The following MARCHF1 variants were observed in gnomAD, a reference collection of about 807,000 sequenced individuals.
The protein encoded by MARCHF1 is membrane associated ring-CH-type finger 1.
A neutral mutation model predicts 54.2 loss-of-function variants in MARCHF1; 40 were observed. The observed-to-expected ratio is 0.74, with a 90% CI of 0.57 to 0.96. MARCHF1 has a LOEUF of 0.96. Ranked by LOEUF, MARCHF1 falls within the 40% of genes least tolerant of loss-of-function variation. The pLI is 0.00. For missense variants in MARCHF1, 586 were observed against 656.5 expected (o/e 0.89, Z 1.17); for synonymous variants, 236 against 236.3 (o/e 1.00, Z 0.01).
intron 4 of MARCHF1, among the ~76,000 whole-genome samples, chr4:163,837,934 A>G (rs1218067783): frequency 6.6e-6 from 1 of 152,176 alleles, no homozygotes; most frequent in Non-Finnish European, 1.5e-5. Flanking sequence ...CTAAGGATTA[A>G]AATCAGTAAT....
chr4:163,533,361 G>A (rs1208268968), intron 9 of MARCHF1, among the ~76,000 whole-genome samples: 1 of 151,886 alleles, frequency 6.6e-6, no homozygotes, highest in Non-Finnish European at 1.5e-5. Flanking sequence ...AGGAAGGGAT[G>A]AATAGGTGGA....
chr4:164,194,793 AATT>A (rs1051372387), intron 1 of MARCHF1, among the ~76,000 whole-genome samples: 7 of 152,062 alleles, frequency 4.6e-5, no homozygotes, highest in African/African-American at 9.7e-5. Flanking sequence ...TAATAAGTAA[AATT>A]ATTATTTTTC....
intron 8 of MARCHF1, among the ~76,000 whole-genome samples, chr4:163,579,453 C>T (rs1463332233): frequency 1.3e-5 from 2 of 152,050 alleles, no homozygotes; most frequent in African/African-American, 2.4e-5. Flanking sequence ...CCATAGCAAA[C>T]ACCTAAGTAG....
At chr4:163,603,607 C>G (rs1376365154) in intron 7 of MARCHF1, among the ~76,000 whole-genome samples, 1 of 152,064 alleles carries the variant, frequency 6.6e-6, no homozygotes, top group South Asian at 2.1e-4. Context: ...GTGAAAAATT[C>G]TTTGTTGTTT....
In MARCHF1 at chr4:163,894,469, C is replaced by T. The variant is rs138584657; in HGVS notation, c.-38-40300G>A. Among the ~76,000 whole-genome samples the T allele has an allele frequency of 3.7e-4, 56 of 151,226 alleles. 1 individual carries two copies. The East Asian group carries it at 0.011, about 29-fold the overall frequency. On this transcript the variant is annotated intron_variant, in intron 3 of 9. Coordinates refer to ENST00000514618, the MANE Select transcript of MARCHF1 (RefSeq NM_001394959.1). Reference sequence around the variant, plus strand: ...ATTAATAAAGAGATAAACTTCAATGCCAGCCTCTGTAAGAATAAAGATGAC... The same window carrying T: ...ATTAATAAAGAGATAAACTTCAATGTCAGCCTCTGTAAGAATAAAGATGAC...
At chr4:164,281,063 G>T (rs1734013533) in intron 1 of MARCHF1, among the ~76,000 whole-genome samples, 1 of 152,022 alleles carries the variant, frequency 6.6e-6, no homozygotes, top group Admixed American at 6.6e-5. Flanking sequence ...CAAAAAATTT[G>T]ATTCAAATAT....
intron 1 of MARCHF1, among the ~76,000 whole-genome samples, chr4:164,227,891 A>C (rs1732303603): frequency 6.6e-6 from 1 of 152,166 alleles, no homozygotes. Flanking sequence ...AGGATGATAC[A>C]GGCTGGTGAT....
intron 2 of MARCHF1, among the ~76,000 whole-genome samples, chr4:164,049,601 GAA>G (rs1754316040): frequency 6.6e-6 from 1 of 151,984 alleles, no homozygotes; most frequent in South Asian, 2.1e-4. Flanking sequence ...ATGACACCCT[GAA>G]AACATACCCT....
At chr4:164,108,493 A>G (rs566435256) in intron 2 of MARCHF1, among the ~76,000 whole-genome samples, 1 of 152,206 alleles carries the variant, frequency 6.6e-6, no homozygotes, top group African/African-American at 2.4e-5. Flanking sequence ...GAAAGAGCAA[A>G]GACTTATAAC....
chr4:163,864,140 T>C (rs1447220495), intron 3 of MARCHF1, among the ~76,000 whole-genome samples: 1 of 151,916 alleles, frequency 6.6e-6, no homozygotes, highest in Non-Finnish European at 1.5e-5. Flanking sequence ...GAACTGTACA[T>C]AGAAACTGCC....
At chr4:163,678,247 G>A (rs1044654715) in intron 5 of MARCHF1, among the ~76,000 whole-genome samples, 1 of 152,138 alleles carries the variant, frequency 6.6e-6, no homozygotes, top group African/African-American at 2.4e-5. Flanking sequence ...TATCAGGCCT[G>A]CCAGGTTAAA....
intron 4 of MARCHF1, among the ~76,000 whole-genome samples, chr4:163,768,936 ACTTCC>A: frequency 6.6e-6 from 1 of 152,130 alleles, no homozygotes; most frequent in African/African-American, 2.4e-5. Flanking sequence ...AAATATCTGG[ACTTCC>A]TGGTGGCTAC....
chr4:164,204,684 A>C (rs915814910), intron 1 of MARCHF1, among the ~76,000 whole-genome samples: 7 of 152,224 alleles, frequency 4.6e-5, no homozygotes, highest in Non-Finnish European at 1.0e-4. Flanking sequence ...TATGACAGGC[A>C]TCAGGAAGCT....
At chr4:163,723,406 T>C (rs956928996) in intron 4 of MARCHF1, among the ~76,000 whole-genome samples, 24 of 152,248 alleles carry the variant, frequency 1.6e-4, no homozygotes, top group African/African-American at 5.3e-4. Context: ...GTTAGTCTGG[T>C]GGGCTTCCCT....
intron 5 of MARCHF1, among the ~76,000 whole-genome samples, chr4:163,685,359 C>T (rs1484333809): frequency 6.6e-6 from 1 of 152,132 alleles, no homozygotes; most frequent in Non-Finnish European, 1.5e-5. Context: ...TATTCCCCTT[C>T]TCAAGAAACC....
At chr4:163,995,423 C>T (rs1281320361) in intron 2 of MARCHF1, among the ~76,000 whole-genome samples, 5 of 151,960 alleles carry the variant, frequency 3.3e-5, no homozygotes, top group Non-Finnish European at 7.4e-5. Context: ...CTGATGTAAT[C>T]AATTTAACTT....
In MARCHF1 at chr4:164,307,488, T is replaced by C. The variant is rs569519229; in HGVS notation, c.-323+76382A>G. ...GCCAGTGGCCAGTAAAACCCAAAGC[T>C]CGTCTCTTCCCAACCCTGTGTAATC... On this transcript the variant is annotated intron_variant, in intron 1 of 9. Coordinates refer to ENST00000514618, the MANE Select transcript of MARCHF1 (RefSeq NM_001394959.1). 1.1e-4 allele frequency among the ~76,000 whole-genome samples: 17 copies of C among 152,302 alleles called. No homozygotes were observed. The South Asian group carries it at 2.5e-3, about 22-fold the overall frequency.
intron 3 of MARCHF1, among the ~76,000 whole-genome samples, chr4:163,877,570 CTCTT>C (rs1323947008): frequency 6.6e-6 from 1 of 151,510 alleles, no homozygotes; most frequent in African/African-American, 2.4e-5. Context: ...TCACCCTAAT[CTCTT>C]TACTTTCCTT....
chr4:164,199,343 T>C (rs1425990343), intron 1 of MARCHF1, among the ~76,000 whole-genome samples: 1 of 152,130 alleles, frequency 6.6e-6, no homozygotes, highest in African/African-American at 2.4e-5. Context: ...CACACTGACA[T>C]CAAAATCAAA....
Sources: gnomAD v4.1 joint callset for allele counts (sites outside exome capture counted in the v4.1 genomes callset) on GRCh38, gnomAD v4.1.1 for gene constraint, MANE v1.5 for transcripts, NCBI Gene and HGNC (gene_info 2026-07-23, HGNC 2026-07-21) for gene names.